Variants in TAFA4 observed in about 807,000 individuals in gnomAD.
TAFA4 encodes the protein TAFA chemokine like family member 4.
In TAFA4, 20 loss-of-function variants were observed where a neutral mutation model predicts 21.1. That is an observed-to-expected ratio of 0.95 (90% CI 0.67 to 1.38). The LOEUF is 1.38. Ranked by LOEUF, TAFA4 falls within the 40% of genes most tolerant of loss-of-function variation. The pLI, the probability that TAFA4 is intolerant of heterozygous loss-of-function variation, is 0.00. For synonymous variants in TAFA4, 71 were observed against 67.4 expected, an observed-to-expected ratio of 1.05 and a Z score of -0.26; for missense variants, 211 against 180.9, an observed-to-expected ratio of 1.17 and a Z score of -0.95.
chr3:68,892,006 A>T (rs1258130207), intron 1 of TAFA4, among the ~76,000 whole-genome samples: 1 of 152,204 alleles, frequency 6.6e-6, no homozygotes, highest in Admixed American at 6.5e-5. Context: ...TGATCTTCTT[A>T]TATTAAAGAG....
intron 1 of TAFA4, among the ~76,000 whole-genome samples, chr3:68,890,809 C>T (rs181237937): frequency 1.6e-4 from 25 of 152,294 alleles, no homozygotes; most frequent in Admixed American, 7.8e-4. Flanking sequence ...AGACATTGGT[C>T]ATCAATCTGA....
chr3:68,768,935 G>C (rs1436115380), intron 3 of TAFA4, among the ~76,000 whole-genome samples: 1 of 152,158 alleles, frequency 6.6e-6, no homozygotes, highest in Non-Finnish European at 1.5e-5. Flanking sequence ...CTAAGAATAG[G>C]AGAGGGGAGA....
At chr3:68,837,535 A>C (rs929485034) in intron 3 of TAFA4, among the ~76,000 whole-genome samples, 1 of 152,192 alleles carries the variant, frequency 6.6e-6, no homozygotes, top group Non-Finnish European at 1.5e-5. Flanking sequence ...GGGGCTTTCT[A>C]AAAATATAAA....
chr3:68,860,525 T>C (rs1196761101), intron 3 of TAFA4, among the ~76,000 whole-genome samples: 1 of 152,148 alleles, frequency 6.6e-6, no homozygotes, highest in Non-Finnish European at 1.5e-5. Context: ...AGTAGGATGT[T>C]GGTAAATGGT....
At chr3:68,756,991 CTAATGACT>C (rs893660956) in intron 3 of TAFA4, among the ~76,000 whole-genome samples, 1 of 152,154 alleles carries the variant, frequency 6.6e-6, no homozygotes, top group African/African-American at 2.4e-5. Context: ...TCCCTGACAG[CTAATGACT>C]AGCCATGAGC....
chr3:68,802,054 A>C (rs1174847122), intron 3 of TAFA4, among the ~76,000 whole-genome samples: 1 of 152,180 alleles, frequency 6.6e-6, no homozygotes, highest in Admixed American at 6.5e-5. Context: ...ATTAATACAC[A>C]TCTATGTTCA....
At chr3:68,851,645 T>C (rs1433383413) in intron 3 of TAFA4, among the ~76,000 whole-genome samples, 2 of 152,162 alleles carry the variant, frequency 1.3e-5, no homozygotes, top group Non-Finnish European at 2.9e-5. Flanking sequence ...ATCTCAAATC[T>C]ATCAATATGC....
At position 68,744,282 on chromosome 3, in the gene TAFA4, A is replaced by G. The variant is rs115199478; in HGVS notation, c.287-5083T>C. Among the ~76,000 whole-genome samples, 471 of 152,300 alleles carry G rather than the reference A, an allele frequency of 3.1e-3. 4 individuals carry two copies. Among genetic ancestry groups the G allele is most frequent in the African/African-American group, 0.011 (453 of 41,568 alleles). On this transcript the variant is annotated intron_variant, in intron 4 of 5. Transcript: ENST00000295569. ...CCAGCAGACGCATGTGGCTGAAGTG[A>G]GAGATGGTCAGGGAAGCCCTGGACA...
chr3:68,816,804 T>C (rs1381983141), intron 3 of TAFA4, among the ~76,000 whole-genome samples: 1 of 109,908 alleles, frequency 9.1e-6, no homozygotes, highest in Admixed American at 8.9e-5. Flanking sequence ...AAGTTATGTT[T>C]ATATTCTACT....
intron 5 of TAFA4, among the ~76,000 whole-genome samples, chr3:68,736,669 G>T (rs549294987): frequency 6.6e-6 from 1 of 152,126 alleles, no homozygotes; most frequent in South Asian, 2.1e-4. Flanking sequence ...TAGGACCTCT[G>T]TCTTACCTGT....
At chr3:68,754,550 G>T (rs1702622625) in intron 3 of TAFA4, among the ~76,000 whole-genome samples, 1 of 152,140 alleles carries the variant, frequency 6.6e-6, no homozygotes, top group Non-Finnish European at 1.5e-5. Flanking sequence ...AACACCCAAT[G>T]TCCTTTCATC....
At chr3:68,838,421 G>C (rs1436287017) in intron 3 of TAFA4, among the ~76,000 whole-genome samples, 1 of 152,050 alleles carries the variant, frequency 6.6e-6, no homozygotes, top group Non-Finnish European at 1.5e-5. Context: ...CATCATTCTA[G>C]ACAGAGCAAG....
intron 3 of TAFA4, among the ~76,000 whole-genome samples, chr3:68,755,755 A>G (rs1702648976): frequency 6.6e-6 from 1 of 152,174 alleles, no homozygotes; most frequent in Admixed American, 6.5e-5. Flanking sequence ...TGTCCTGACA[A>G]TAGCCGAGTC....
chr3:68,736,702 T>A (rs765562632), intron 5 of TAFA4, among the ~76,000 whole-genome samples: 77 of 152,240 alleles, frequency 5.1e-4, no homozygotes, highest in Non-Finnish European at 1.0e-3. Flanking sequence ...GTAACAATTT[T>A]AAGAAAAAGA....
chr3:68,739,337 A>T, intron 4 of TAFA4, 138 bp from the exon 5 acceptor site: 1 of 1,018,680 alleles, frequency 9.8e-7, no homozygotes, highest in Non-Finnish European at 1.4e-6. Flanking sequence ...AAGGAATCCA[A>T]TCAGGCATAT....
intron 3 of TAFA4, among the ~76,000 whole-genome samples, chr3:68,867,297 A>G (rs527655932): frequency 2.6e-4 from 39 of 152,228 alleles, no homozygotes; most frequent in African/African-American, 8.9e-4. Context: ...CTGCTAAAGA[A>G]AAAAACCATA....
chr3:68,852,370 G>C (rs1704970453), intron 3 of TAFA4, among the ~76,000 whole-genome samples: 1 of 152,178 alleles, frequency 6.6e-6, no homozygotes. Context: ...TCAGTTCTGA[G>C]CCAAGTGGGG....
At chr3:68,923,111 G>A (rs2090075821) in intron 1 of TAFA4, among the ~76,000 whole-genome samples, 1 of 152,002 alleles carries the variant, frequency 6.6e-6, no homozygotes, top group Admixed American at 6.6e-5. Flanking sequence ...CTTATTTCTG[G>A]GTCTTTAGAA....
chr3:68,753,077 C>G, intron 3 of TAFA4, 59 bp from the exon 4 acceptor site: 2 of 1,519,200 alleles, frequency 1.3e-6, no homozygotes, highest in African/African-American at 1.4e-5. Context: ...ATGACACCAC[C>G]AAAACCAAAA....
Sources: gnomAD v4.1 joint callset for allele counts (sites outside exome capture counted in the v4.1 genomes callset) on GRCh38, gnomAD v4.1.1 for gene constraint, MANE v1.5 for transcripts, NCBI Gene and HGNC (gene_info 2026-07-23, HGNC 2026-07-21) for gene names.